IGSF21: variants seen among roughly 807,000 people sequenced by gnomAD.
The protein encoded by IGSF21 is immunoglobin superfamily member 21, also known as immunoglobulin superfamily member 21.
IGSF21 carries 28 observed loss-of-function variants against 46.8 expected under a neutral mutation model. The ratio of observed to expected loss-of-function variants is 0.60; its 90% CI spans 0.44 to 0.82. The LOEUF (loss-of-function observed/expected upper bound fraction) is 0.82, where lower values mean the gene tolerates loss of function less well. Among genes scored for constraint, IGSF21 ranks in the 40% least tolerant of loss-of-function variants. IGSF21 has a pLI of 0.00. For synonymous variants in IGSF21, 284 were observed against 273.6 expected (o/e 1.04, Z -0.38); for missense variants, 624 against 665.5 (o/e 0.94, Z 0.69).
intron 2 of IGSF21, among the ~76,000 whole-genome samples, chr1:18,288,320 T>C (rs1225577621): frequency 6.6e-6 from 1 of 152,218 alleles, no homozygotes; most frequent in Non-Finnish European, 1.5e-5. Context: ...AAGGGGATTC[T>C]TGGCTCCTTC....
intron 1 of IGSF21, among the ~76,000 whole-genome samples, chr1:18,147,854 C>T (rs2086484023): frequency 6.6e-6 from 1 of 152,040 alleles, no homozygotes; most frequent in South Asian, 2.1e-4. Context: ...CCCATAATTC[C>T]CATGTGTCGT....
At chr1:18,374,134 A>G (rs1449388510) in intron 6 of IGSF21, among the ~76,000 whole-genome samples, 1 of 152,158 alleles carries the variant, frequency 6.6e-6, no homozygotes, top group Non-Finnish European at 1.5e-5. Context: ...TGAAGAACGT[A>G]AAGAGCCCCC....
In IGSF21 at chr1:18,169,867, C is replaced by T. The variant is rs149612880; in HGVS notation, c.71-58031C>T. Among the ~76,000 whole-genome samples, 403 of 151,884 alleles carry T rather than the reference C, an allele frequency of 2.7e-3. 3 individuals are homozygous for T. The highest frequency in any genetic ancestry group is 9.4e-3 in the African/African-American group (389 of 41,406). On this transcript the variant is annotated intron_variant, in intron 1 of 9. Coordinates refer to ENST00000251296, the MANE Select transcript of IGSF21 (RefSeq NM_032880.5). The stretch of plus-strand genomic sequence containing the variant: ...GGGGAGGCAGACAGGCTGGAAAATG[C>T]GTGGACCATAAGACAGGAGTGGAGC...
rs1356188674 is a variant in IGSF21, at chr1:18,273,517, T to TTTCTTTCC, written c.184-18346_184-18345insTTTCCTTC. Among the ~76,000 whole-genome samples, 166 of 99,260 alleles carry TTTCTTTCC rather than the reference T, an allele frequency of 1.7e-3. 12 individuals carry two copies. The Middle Eastern group carries it at 0.02, about 12-fold the overall frequency. The allele number at this position is 99,260 out of a possible 152,430, so 65.1% of individuals were successfully genotyped here. A position where few individuals can be genotyped will look rare whatever the true frequency, so the allele number is the denominator to read the frequency against. The stretch of plus-strand genomic sequence containing the variant: ...CTTTCTTTCTTTCTTTCTTTCTTTC[T>TTTCTTTCC]TTCGTCTTTCTTTACTTTTTTTTTT... On this transcript the variant is annotated intron_variant, in intron 2 of 9. Coordinates refer to ENST00000251296, the MANE Select transcript of IGSF21 (RefSeq NM_032880.5).
intron 1 of IGSF21, among the ~76,000 whole-genome samples, chr1:18,173,905 C>T (rs898564816): frequency 3.3e-5 from 5 of 152,150 alleles, no homozygotes; most frequent in South Asian, 2.1e-4. Flanking sequence ...AGGCGAGTGC[C>T]ACCACGCCCA....
At chr1:18,252,735 T>C (rs1170689003) in intron 2 of IGSF21, among the ~76,000 whole-genome samples, 1 of 152,208 alleles carries the variant, frequency 6.6e-6, no homozygotes, top group Non-Finnish European at 1.5e-5. Context: ...TTTTTCCTTC[T>C]TGTGCCTGAG....
At chr1:18,184,873 A>T (rs1206589877) in intron 1 of IGSF21, among the ~76,000 whole-genome samples, 1 of 152,194 alleles carries the variant, frequency 6.6e-6, no homozygotes, top group Non-Finnish European at 1.5e-5. Flanking sequence ...TAAGACCGTG[A>T]GTTCAAATCC....
At chr1:18,200,834 G>C (rs939064059) in intron 1 of IGSF21, among the ~76,000 whole-genome samples, 3 of 152,236 alleles carry the variant, frequency 2.0e-5, no homozygotes, top group Non-Finnish European at 4.4e-5. Flanking sequence ...TCACTGAGCT[G>C]ACCCTGCTTT....
At chr1:18,292,505 C>T (rs558706819) in intron 3 of IGSF21, among the ~76,000 whole-genome samples, 31 of 152,296 alleles carry the variant, frequency 2.0e-4, no homozygotes, top group South Asian at 6.2e-4. Context: ...GTGCTCAAGT[C>T]GGAGATGCTT....
At chr1:18,303,338 G>C (rs2085379314) in intron 3 of IGSF21, among the ~76,000 whole-genome samples, 2 of 152,186 alleles carry the variant, frequency 1.3e-5, no homozygotes, top group South Asian at 4.1e-4. Context: ...GAGAAGAGAA[G>C]CGACTTGCAC....
chr1:18,289,022 G>T (rs990430774), intron 2 of IGSF21, among the ~76,000 whole-genome samples: 2 of 152,174 alleles, frequency 1.3e-5, no homozygotes, highest in Non-Finnish European at 2.9e-5. Flanking sequence ...ATTCTTCAGT[G>T]CTTTATCTGG....
chr1:18,279,015 C>G, intron 2 of IGSF21: 1 of 422,296 alleles, frequency 2.4e-6, no homozygotes, highest in Admixed American at 2.6e-5. Flanking sequence ...CTCTGAGCCT[C>G]ATCTGTCAAA....
At chr1:18,224,289 G>C (rs2084540237) in intron 1 of IGSF21, among the ~76,000 whole-genome samples, 1 of 152,082 alleles carries the variant, frequency 6.6e-6, no homozygotes. Context: ...GGGTCACAAG[G>C]CACTGTGAGC....
intron 1 of IGSF21, among the ~76,000 whole-genome samples, chr1:18,121,612 GC>G (rs2086234310): frequency 6.6e-6 from 1 of 152,308 alleles, no homozygotes; most frequent in East Asian, 1.9e-4. Context: ...GAGTGCACCT[GC>G]CCTCGCCGAC....
chr1:18,294,114 G>A (rs906922869), intron 3 of IGSF21, among the ~76,000 whole-genome samples: 5 of 152,198 alleles, frequency 3.3e-5, no homozygotes, highest in Admixed American at 2.0e-4. Flanking sequence ...ATGTCCAACA[G>A]CCTGAGTTCA....
At chr1:18,265,135 G>A (rs1057209619) in intron 2 of IGSF21, among the ~76,000 whole-genome samples, 2 of 152,198 alleles carry the variant, frequency 1.3e-5, no homozygotes, top group South Asian at 2.1e-4. Flanking sequence ...GAACTGACTT[G>A]AAATGACTTG....
intron 4 of IGSF21, chr1:18,361,775 GTCT>G (rs2086103304): frequency 2.9e-5 from 6 of 204,872 alleles, no homozygotes; most frequent in East Asian, 2.3e-4. Flanking sequence ...CTTCAGCAGC[GTCT>G]GCCCAGAACT....
intron 1 of IGSF21, among the ~76,000 whole-genome samples, chr1:18,192,479 G>T (rs1381754087): frequency 2.0e-5 from 3 of 152,230 alleles, no homozygotes; most frequent in African/African-American, 7.2e-5. Context: ...CACAGTTAGC[G>T]CCATGTGGGT....
At chr1:18,172,544 G>A (rs968549038) in intron 1 of IGSF21, among the ~76,000 whole-genome samples, 1 of 152,174 alleles carries the variant, frequency 6.6e-6, no homozygotes, top group African/African-American at 2.4e-5. Flanking sequence ...CCTTCTCACT[G>A]GGACTTCACA....
Sources: gnomAD v4.1 joint callset for allele counts (sites outside exome capture counted in the v4.1 genomes callset) on GRCh38, gnomAD v4.1.1 for gene constraint, MANE v1.5 for transcripts, NCBI Gene and HGNC (gene_info 2026-07-23, HGNC 2026-07-21) for gene names.